Variants in ATPSCKMT observed in about 807,000 individuals in gnomAD.
ATPSCKMT encodes the protein ATP synthase c subunit lysine N-methyltransferase.
ATPSCKMT carries 24 observed loss-of-function variants against 24.3 expected under a neutral mutation model. That is an observed-to-expected ratio of 0.99 (90% CI 0.71 to 1.39). The LOEUF (loss-of-function observed/expected upper bound fraction) is 1.39, where lower values mean the gene tolerates loss of function less well. Ranked by LOEUF, ATPSCKMT falls within the 40% of genes most tolerant of loss-of-function variation. The probability of loss-of-function intolerance (pLI) is 0.00; values close to 1 mark genes in which losing one functional copy is unlikely to be tolerated. For synonymous variants in ATPSCKMT, 95 were observed against 110.5 expected (o/e 0.86, Z 0.88); for missense variants, 311 against 298.4 (o/e 1.04, Z -0.31).
intron 4 of ATPSCKMT, among the ~76,000 whole-genome samples, chr5:10,231,689 T>A (rs1049180080): frequency 1.3e-5 from 2 of 152,124 alleles, no homozygotes; most frequent in Non-Finnish European, 2.9e-5. Context: ...TGATGCATCT[T>A]CTACAGGCAT....
In ATPSCKMT at chr5:10,236,496, A is replaced by G. The variant is rs763043155; in HGVS notation, c.426T>C (p.Tyr142=). Reference sequence around the variant, plus strand: ...TACATACCTTCCACAAATCTGAAATATAAAATTTGGCAGATCCATGCACAC... The same window carrying G: ...TACATACCTTCCACAAATCTGAAATGTAAAATTTGGCAGATCCATGCACAC... ...REGVHGSAKF[Y]ISDLWKVTFS... Residue 142 remains tyrosine (Y), a synonymous_variant, in exon 3 of 5, where the codon TAT becomes TAC. Transcript: ENST00000511437. The G allele has an allele frequency of 1.2e-6, 2 of 1,614,188 alleles. No individual in the cohort carries two copies. Among genetic ancestry groups the G allele is most frequent in the Admixed American group, 3.3e-5 (2 of 60,006 alleles).
At chr5:10,249,682 C>T in intron 1 of ATPSCKMT, 176 bp downstream of exon 1, 3 of 1,039,950 alleles carry the variant, frequency 2.9e-6, no homozygotes, top group Non-Finnish European at 4.0e-6. Context: ...AGAACCGGCG[C>T]GGGCACCGCG....
At chr5:10,238,011 C>T (rs1468512266) in intron 2 of ATPSCKMT, among the ~76,000 whole-genome samples, 4 of 152,212 alleles carry the variant, frequency 2.6e-5, no homozygotes, top group Non-Finnish European at 5.9e-5. Flanking sequence ...TCCCAAAGTG[C>T]TGGGATTACA....
chr5:10,233,241 G>T (rs1744231649), intron 4 of ATPSCKMT, among the ~76,000 whole-genome samples: 2 of 152,086 alleles, frequency 1.3e-5, no homozygotes, highest in Admixed American at 1.3e-4. Context: ...TGGTCGACTG[G>T]CACAGCACAC....
chr5:10,247,902 T>C (rs1357485275), intron 1 of ATPSCKMT, among the ~76,000 whole-genome samples: 1 of 152,228 alleles, frequency 6.6e-6, no homozygotes, highest in Admixed American at 6.5e-5. Context: ...CGGGCCCTGC[T>C]TGCTTATTGA....
intron 4 of ATPSCKMT, 50 bp from the exon 5 acceptor site, chr5:10,227,697 T>A (rs1356253594): frequency 6.5e-7 from 1 of 1,546,518 alleles, no homozygotes; most frequent in Non-Finnish European, 8.8e-7. Context: ...TCAGAGGAAA[T>A]GATCCCAAAA....
chr5:10,243,288 A>T (rs899994273), intron 1 of ATPSCKMT, among the ~76,000 whole-genome samples: 2 of 152,172 alleles, frequency 1.3e-5, no homozygotes, highest in Non-Finnish European at 2.9e-5. Context: ...GTTCAAGACC[A>T]GTCTGACCAA....
chr5:10,226,394 A>C lies in ATPSCKMT; in HGVS notation c.*1047T>G, dbSNP rs1743878965. On this transcript the variant is annotated 3_prime_UTR_variant, in exon 5 of 5. Coordinates refer to ENST00000511437, the MANE Select transcript of ATPSCKMT (RefSeq NM_199133.4). ...TACTTCATTACATCTCCATTAAGAC[A>C]GTTTGGTATTTCAGTTACAGGTGTA... 1 of 152,196 alleles carries C rather than the reference A, an allele frequency of 6.6e-6. No individual in the cohort carries two copies. Among genetic ancestry groups the C allele is most frequent in the South Asian group, 2.1e-4 (1 of 4,828 alleles). The allele number at this position is 152,196 out of a possible 1,614,324, so 9.4% of individuals were successfully genotyped here. A position where few individuals can be genotyped will look rare whatever the true frequency, so the allele number is the denominator to read the frequency against.
chr5:10,249,461 A>G, intron 1 of ATPSCKMT: 1 of 227,094 alleles, frequency 4.4e-6, no homozygotes, highest in Non-Finnish European at 8.5e-6. Context: ...TACTGTTACC[A>G]CCGTCACTTT....
rs899619057 is a variant in ATPSCKMT, at chr5:10,227,494, G to A, written c.649C>T (p.Arg217Cys). ...ATCGATGTACAGGGCCTCTTTTCAC[G>A]GCCTCTAAAAGTGCTTGCATCATAT... ...WAYDASTFRG[R>C]EKRPCTSMHF... The change falls in exon 5 of 5, where the codon CGT becomes TGT. Residue 217 changes from arginine to cysteine, a missense_variant. Coordinates refer to ENST00000511437, the MANE Select transcript of ATPSCKMT (RefSeq NM_199133.4). 14 of 1,614,074 alleles carry A rather than the reference G, an allele frequency of 8.7e-6. No individual in the cohort carries two copies. Among genetic ancestry groups the A allele is most frequent in the Admixed American group, 3.3e-5 (2 of 60,008 alleles).
At chr5:10,236,824 G>A (rs1744396467) in intron 2 of ATPSCKMT, 1 of 1,487,926 alleles carries the variant, frequency 6.7e-7, no homozygotes, top group Non-Finnish European at 8.9e-7. Context: ...TCCTTGATTG[G>A]TTAAAGACTT....
At chr5:10,249,566 T>A (rs987397316) in intron 1 of ATPSCKMT, 3 of 397,968 alleles carry the variant, frequency 7.5e-6, no homozygotes, top group Non-Finnish European at 1.3e-5. Context: ...TCCATCAGTG[T>A]GCCTCCACTA....
chr5:10,245,514 G>A (rs1744876325), intron 1 of ATPSCKMT, among the ~76,000 whole-genome samples: 1 of 152,180 alleles, frequency 6.6e-6, no homozygotes, highest in South Asian at 2.1e-4. Context: ...GGGAGGCTGA[G>A]GCGGGTGGAT....
rs573326638 is a variant in ATPSCKMT, at chr5:10,227,552, G to A, written c.591C>T (p.His197=). The change falls in exon 5 of 5, where the codon CAC becomes CAT. Residue 197 remains histidine (H), a synonymous_variant. Coordinates refer to ENST00000511437, the MANE Select transcript of ATPSCKMT (RefSeq NM_199133.4). ...RFPFPHWTPD[H]VTGEGIDTVW... is the part of the protein sequence containing the mutation. ...CTGTGTCTATCCCCTCCCCCGTGAC[G>A]TGGTCTGGAGTCCAATGTGGGAAAG... 2.0e-5 allele frequency: 33 copies of A among 1,614,176 alleles called. No individual in the cohort carries two copies. Among genetic ancestry groups the A allele is most frequent in the East Asian group, 1.6e-4 (7 of 44,890 alleles).
rs1743967050 is a variant in ATPSCKMT, at chr5:10,228,157, A to C, written c.496-510T>G. On this transcript the variant is annotated intron_variant, in intron 4 of 4. Transcript: ENST00000511437. ...ACTGCGCCCAGCCACATTTTTGCACATTTTTAACATCTCTGAAATCAGGAC... is the reference window on the plus strand; with the variant it reads ...ACTGCGCCCAGCCACATTTTTGCACCTTTTTAACATCTCTGAAATCAGGAC... Among the ~76,000 whole-genome samples the C allele has an allele frequency of 2.6e-5, 4 of 152,086 alleles. No individual in the cohort carries two copies. The South Asian group carries it at 8.3e-4, about 32-fold the overall frequency.
chr5:10,232,533 G>A (rs150173820), intron 4 of ATPSCKMT, among the ~76,000 whole-genome samples: 408 of 152,356 alleles, frequency 2.7e-3, no homozygotes, highest in African/African-American at 9.2e-3. Context: ...AGAGTAAAGC[G>A]GGCCGCTGGA....
chr5:10,239,955 G>A (rs980875224), intron 1 of ATPSCKMT, among the ~76,000 whole-genome samples: 5 of 152,128 alleles, frequency 3.3e-5, no homozygotes, highest in South Asian at 4.1e-4. Flanking sequence ...GGCCGGGCGT[G>A]GTGGTTCACG....
In ATPSCKMT at chr5:10,226,237, A is replaced by G. The variant is rs1384766429; in HGVS notation, c.*1204T>C. ...GCATGTCTATTTACCGCAGAATCTC[A>G]GAGCTTCTTCTACAGTAGATACTGA... On this transcript the variant is annotated 3_prime_UTR_variant, in exon 5 of 5. Coordinates refer to ENST00000511437, the MANE Select transcript of ATPSCKMT (RefSeq NM_199133.4). 2 of 152,232 alleles carry G rather than the reference A, an allele frequency of 1.3e-5. No homozygotes were observed. The highest frequency in any genetic ancestry group is 2.9e-5 in the Non-Finnish European group (2 of 68,040). 9.4% of individuals were successfully genotyped at this position (152,232 alleles called of 1,614,324 possible). A position where few individuals can be genotyped will look rare whatever the true frequency, so the allele number is the denominator to read the frequency against.
At chr5:10,246,666 G>C (rs1173935119) in intron 1 of ATPSCKMT, among the ~76,000 whole-genome samples, 1 of 152,198 alleles carries the variant, frequency 6.6e-6, no homozygotes, top group Non-Finnish European at 1.5e-5. Flanking sequence ...TGTTCACCAA[G>C]TTTATTAAAC....
Sources: allele counts gnomAD v4.1 joint callset (sites outside exome capture counted in the v4.1 genomes callset), GRCh38; gene constraint gnomAD v4.1.1; transcripts MANE v1.5; gene names NCBI Gene and HGNC (gene_info 2026-07-23, HGNC 2026-07-21).